Variants in FAM83E observed in about 807,000 individuals in gnomAD.
The protein encoded by FAM83E is scaffolding CK1 anchoring protein E, also known as protein FAM83E.
A neutral mutation model predicts 34.3 loss-of-function variants in FAM83E; 29 were observed. That is an observed-to-expected ratio of 0.85 (90% CI 0.63 to 1.15). The LOEUF (loss-of-function observed/expected upper bound fraction) is 1.15. FAM83E is among the 50% of genes most tolerant of loss of function. The pLI is 0.00. For missense variants in FAM83E, 697 were observed against 685.0 expected (o/e 1.02, Z -0.20); for synonymous variants, 312 against 311.6 (o/e 1.00, Z -0.01).
Position 48,601,168 on chromosome 19 carries a change from G to A in FAM83E, c.1378C>T (p.Pro460Ser), listed in dbSNP as rs769281812. 2.5e-6 allele frequency: 4 copies of A among 1,613,134 alleles called. No homozygotes were observed. Among genetic ancestry groups the A allele is most frequent in the South Asian group, 1.1e-5 (1 of 90,978 alleles). The change falls in exon 7 of 7, where the codon CCC (proline) becomes TCC (serine). Residue 460 changes from proline (P) to serine (S), a missense_variant. Coordinates refer to ENST00000263266, the MANE Select transcript of FAM83E (RefSeq NM_017708.4). ...CAGTCTGACGGCCTGACGCCTCTGG[G>A]CTCTTGAAGTTTGAATGTAGCATCC... ...GGDATFKLQE[P>S]RGVRPSDWAP... is the part of the protein sequence containing the mutation.
At chr19:48,612,743 A>T (rs1489160619) in intron 3 of FAM83E, among the ~76,000 whole-genome samples, 165 bp downstream of exon 3, 1 of 152,002 alleles carries the variant, frequency 6.6e-6, no homozygotes, top group Non-Finnish European at 1.5e-5. Context: ...CTGGGGTTGT[A>T]GGCACCTGAG....
rs1973789771 is a variant in FAM83E, at chr19:48,600,323, A to C, written c.*786T>G. 6.6e-6 allele frequency among the ~76,000 whole-genome samples: 1 copy of C among 152,222 alleles called. No individual in the cohort carries two copies. Among genetic ancestry groups the C allele is most frequent in the Non-Finnish European group, 1.5e-5 (1 of 68,044 alleles). ...TGTGACACTGAGGTCTGGTGCAGGC[A>C]ATGGGCTTGCCCAAGTCCTTTTTTT... On this transcript the variant is annotated 3_prime_UTR_variant, in exon 7 of 7. Coordinates refer to ENST00000263266, the MANE Select transcript of FAM83E (RefSeq NM_017708.4).
intron 5 of FAM83E, among the ~76,000 whole-genome samples, chr19:48,606,040 G>C (rs1330908436): frequency 6.6e-6 from 1 of 151,882 alleles, no homozygotes; most frequent in Admixed American, 6.6e-5. Context: ...GCGTGGTGTG[G>C]TGGCTCACGT....
At chr19:48,607,521 C>A (rs900876008) in intron 5 of FAM83E, 6 of 924,574 alleles carry the variant, frequency 6.5e-6, no homozygotes, top group Middle Eastern at 3.5e-4. Flanking sequence ...GGGGAAGCAT[C>A]CCCAGGCCTG....
At chr19:48,606,932 G>T in intron 5 of FAM83E, 1 of 1,584,446 alleles carries the variant, frequency 6.3e-7, no homozygotes, top group East Asian at 2.2e-5. Context: ...GGGAGGTCTG[G>T]GAAGCCCACG....
Position 48,614,052 on chromosome 19 carries a change from C to T in FAM83E, c.-680G>A. On this transcript the variant is annotated 5_prime_UTR_variant, in exon 3 of 7. Coordinates refer to ENST00000263266, the MANE Select transcript of FAM83E (RefSeq NM_017708.4). ...ATCTGACAGCCCCCACGAGTTTCTCCTGCTCATCAGCTCTCACCCGCAGAC... is the reference window on the plus strand; with the variant it reads ...ATCTGACAGCCCCCACGAGTTTCTCTTGCTCATCAGCTCTCACCCGCAGAC... 1.0e-6 allele frequency: 1 copy of T among 985,742 alleles called. No homozygotes were observed. 61.1% of individuals were successfully genotyped at this position (985,742 alleles called of 1,614,324 possible). A position where few individuals can be genotyped will look rare whatever the true frequency, so the allele number is the denominator to read the frequency against.
chr19:48,610,662 C>A lies in FAM83E; in HGVS notation c.633+18G>T, dbSNP rs10853802. 0.094 allele frequency: 146,224 copies of A among 1,553,042 alleles called. 7,371 individuals are homozygous for A. The highest frequency in any genetic ancestry group is 0.12 in the Middle Eastern group (671 of 5,776). Reference sequence around the variant, plus strand: ...CAGGGGAATGGGGACTCACAGGACCCCCTGGCCCGGCCCCTACCTCCGTGT... The same window carrying A: ...CAGGGGAATGGGGACTCACAGGACCACCTGGCCCGGCCCCTACCTCCGTGT... On this transcript the variant is annotated intron_variant, in intron 4 of 6. Transcript: ENST00000263266.
chr19:48,601,940 G>A (rs1380681371), intron 6 of FAM83E, among the ~76,000 whole-genome samples: 3 of 151,306 alleles, frequency 2.0e-5, no homozygotes, highest in South Asian at 4.2e-4. Context: ...TCAGGAGTTC[G>A]AGACCAACCT....
chr19:48,608,471 G>A (rs1973977122), intron 5 of FAM83E, among the ~76,000 whole-genome samples: 1 of 135,992 alleles, frequency 7.4e-6, no homozygotes, highest in Non-Finnish European at 1.5e-5. Flanking sequence ...TTGAGACAGA[G>A]TCTCGCTCGG....
At chr19:48,610,568 C>A in intron 4 of FAM83E, 112 bp downstream of exon 4, 1 of 1,274,624 alleles carries the variant, frequency 7.8e-7, no homozygotes, top group Non-Finnish European at 1.1e-6. Context: ...CCCAGGGGAC[C>A]ATCCCTGCTA....
At position 48,607,535 on chromosome 19, in the gene FAM83E, G is replaced by C. The variant is rs149256257; in HGVS notation, c.758+2341C>G. 59 of 792,890 alleles carry C rather than the reference G, an allele frequency of 7.4e-5. No individual in the cohort carries two copies. The East Asian group carries it at 1.6e-3, about 21-fold the overall frequency. 49.1% of individuals were successfully genotyped at this position (792,890 alleles called of 1,614,324 possible). A position where few individuals can be genotyped will look rare whatever the true frequency, so the allele number is the denominator to read the frequency against. The stretch of plus-strand genomic sequence containing the variant: ...AGGGGAAGCATCCCCAGGCCTGACT[G>C]AGCGGCAGGGGAGCACGGCCCGTGG... On this transcript the variant is annotated intron_variant, in intron 5 of 6. Transcript: ENST00000263266.
chr19:48,613,617 A>C lies in FAM83E; in HGVS notation c.-245T>G. The C allele has an allele frequency of 7.4e-7, 1 of 1,356,232 alleles. No homozygotes were observed. The highest frequency in any genetic ancestry group is 9.5e-7 in the Non-Finnish European group (1 of 1,056,822). 84.0% of individuals were successfully genotyped at this position (1,356,232 alleles called of 1,614,324 possible). The stretch of plus-strand genomic sequence containing the variant: ...ATGTGTCAGGCCACTCAGATCCGCC[A>C]CCTGCCTGCACCCAGTGGCACCATG... On this transcript the variant is annotated 5_prime_UTR_variant, in exon 3 of 7. Coordinates refer to ENST00000263266, the MANE Select transcript of FAM83E (RefSeq NM_017708.4).
chr19:48,600,508 G>A lies in FAM83E; in HGVS notation c.*601C>T, dbSNP rs1973792001. ...CCGCCACCACACCTGGCTAATTTTT[G>A]TATTTGGTAGAGATGGGGTTTCACC... On this transcript the variant is annotated 3_prime_UTR_variant, in exon 7 of 7. Coordinates refer to ENST00000263266, the MANE Select transcript of FAM83E (RefSeq NM_017708.4). 6.6e-6 allele frequency among the ~76,000 whole-genome samples: 1 copy of A among 150,684 alleles called. No homozygotes were observed. The highest frequency in any genetic ancestry group is 2.1e-4 in the South Asian group (1 of 4,742).
rs1392767733 is a variant in FAM83E at position 48,614,809 on chromosome 19, C to T, written c.-1357G>A. 5.1e-6 allele frequency: 5 copies of T among 985,316 alleles called. No individual in the cohort carries two copies. The highest frequency in any genetic ancestry group is 4.7e-5 in the South Asian group (1 of 21,302). 61.0% of individuals were successfully genotyped at this position (985,316 alleles called of 1,614,324 possible). ...CGGCTTCTACTTCTGCGGTGCTTCC[C>T]GGCTTCTGGCCTCACTCATCAGGCC... On this transcript the variant is annotated 5_prime_UTR_variant, in exon 2 of 7. Transcript: ENST00000263266.
rs762152720 is a variant in FAM83E, at chr19:48,601,210, G to A, written c.1336C>T (p.Arg446Ter). The A allele has an allele frequency of 5.1e-5, 82 of 1,611,426 alleles. No individual in the cohort carries two copies. Among genetic ancestry groups the A allele is most frequent in the Non-Finnish European group, 6.7e-5 (79 of 1,178,648 alleles). ...AHRLRYLSPA[R>*]RRFGGDATFK... ...GTAGCATCCCCACCGAACCGCCTTC[G>A]GGCTGGGGACAGATAGCGGAGGCGG... is the stretch of plus-strand genomic sequence containing the variant. Residue 446 changes from arginine (R) to a stop codon, truncating the protein, a stop_gained, in exon 7 of 7, where the codon CGA becomes TGA. Coordinates refer to ENST00000263266, the MANE Select transcript of FAM83E (RefSeq NM_017708.4). LOFTEE classifies it low-confidence loss of function (END_TRUNC).
chr19:48,605,234 C>G (rs890707026), intron 5 of FAM83E, among the ~76,000 whole-genome samples: 1 of 152,020 alleles, frequency 6.6e-6, no homozygotes, highest in Non-Finnish European at 1.5e-5. Context: ...GCACCAAGCT[C>G]TCCACGTTGC....
chr19:48,611,856 C>T (rs1974046816), intron 3 of FAM83E, among the ~76,000 whole-genome samples: 1 of 152,166 alleles, frequency 6.6e-6, no homozygotes, highest in South Asian at 2.1e-4. Flanking sequence ...GCTGTAGGAT[C>T]AGTGGTGGAT....
At chr19:48,603,943 C>T in intron 5 of FAM83E, 32 bp from the exon 6 acceptor site, 1 of 1,579,958 alleles carries the variant, frequency 6.3e-7, no homozygotes, top group Non-Finnish European at 8.6e-7. Context: ...GTCAGAGTCT[C>T]CAACCCTGAG....
intron 5 of FAM83E, among the ~76,000 whole-genome samples, chr19:48,609,616 C>T (rs754024222): frequency 1.3e-5 from 2 of 152,160 alleles, no homozygotes; most frequent in African/African-American, 2.4e-5. Flanking sequence ...GAACAAACCC[C>T]ACCCCCAAAC....
Sources: gnomAD v4.1 joint callset for allele counts (sites outside exome capture counted in the v4.1 genomes callset) on GRCh38, gnomAD v4.1.1 for gene constraint, MANE v1.5 for transcripts, NCBI Gene and HGNC (gene_info 2026-07-23, HGNC 2026-07-21) for gene names.